PTPRR: variants seen among roughly 807,000 people sequenced by gnomAD.
PTPRR encodes receptor-type tyrosine-protein phosphatase R.
In PTPRR, 38 loss-of-function variants were observed where a neutral mutation model predicts 77.2. That is an observed-to-expected ratio of 0.49 (90% CI 0.38 to 0.65). The LOEUF is 0.65. Ranked by LOEUF, PTPRR falls within the 30% of genes least tolerant of loss-of-function variation. PTPRR has a pLI of 0.00. For missense variants in PTPRR, 744 were observed against 799.2 expected, an observed-to-expected ratio of 0.93 and a Z score of 0.83; for synonymous variants, 299 against 283.1, an observed-to-expected ratio of 1.06 and a Z score of -0.57.
intron 6 of PTPRR, among the ~76,000 whole-genome samples, chr12:70,717,734 A>G (rs1003748297): frequency 1.2e-4 from 18 of 152,278 alleles, no homozygotes; most frequent in African/African-American, 4.3e-4. Flanking sequence ...CCTAATTTTA[A>G]TTTCTTCCAT....
At chr12:70,702,954 C>T (rs1888484378) in intron 6 of PTPRR, among the ~76,000 whole-genome samples, 1 of 151,784 alleles carries the variant, frequency 6.6e-6, no homozygotes, top group Non-Finnish European at 1.5e-5. Flanking sequence ...TCTATCTGCA[C>T]ATATATACAT....
chr12:70,805,373 G>A (rs1461349492), intron 2 of PTPRR, among the ~76,000 whole-genome samples: 1 of 151,936 alleles, frequency 6.6e-6, no homozygotes, highest in Non-Finnish European at 1.5e-5. Context: ...ATCTCATTCT[G>A]TGGCCCAGGC....
chr12:70,729,668 C>T (rs12813125), intron 6 of PTPRR, among the ~76,000 whole-genome samples: 10,430 of 152,026 alleles, frequency 0.069, 496 homozygotes, highest in South Asian at 0.12. Context: ...GAATGAAGGA[C>T]GAAATTAAGC....
At chr12:70,787,924 G>T (rs1033352847) in intron 2 of PTPRR, among the ~76,000 whole-genome samples, 4 of 152,150 alleles carry the variant, frequency 2.6e-5, no homozygotes, top group African/African-American at 9.7e-5. Context: ...CTATGACTTT[G>T]TACCAACACT....
chr12:70,639,374 A>T, intron 13 of PTPRR, 97 bp from the exon 14 acceptor site: 1 of 1,453,222 alleles, frequency 6.9e-7, no homozygotes, highest in Non-Finnish European at 9.3e-7. Context: ...TATGCCAAAG[A>T]CACATAGAAC....
At chr12:70,684,826 C>G in intron 8 of PTPRR, 43 bp from the exon 9 acceptor site, 1 of 1,408,458 alleles carries the variant, frequency 7.1e-7, no homozygotes, top group Non-Finnish European at 9.8e-7. Flanking sequence ...CAGATTTACC[C>G]TTTTTAAAGT....
chr12:70,767,990 G>A (rs1225394064), intron 2 of PTPRR, among the ~76,000 whole-genome samples: 1 of 151,954 alleles, frequency 6.6e-6, no homozygotes, highest in African/African-American at 2.4e-5. Context: ...CAACATACCA[G>A]AATCTCTGGG....
At chr12:70,672,823 A>C in intron 10 of PTPRR, 4 of 1,563,886 alleles carry the variant, frequency 2.6e-6, no homozygotes, top group Non-Finnish European at 3.5e-6. Flanking sequence ...CCAGTGTGAA[A>C]TTGAAGAACT....
chr12:70,894,753 A>T (rs1046265584), intron 1 of PTPRR, among the ~76,000 whole-genome samples: 1 of 151,736 alleles, frequency 6.6e-6, no homozygotes, highest in Non-Finnish European at 1.5e-5. Context: ...ATATGTTCTT[A>T]ATGAGAGTTT....
At chr12:70,907,358 C>G (rs912363216) in intron 1 of PTPRR, among the ~76,000 whole-genome samples, 2 of 152,118 alleles carry the variant, frequency 1.3e-5, no homozygotes, top group Non-Finnish European at 2.9e-5. Flanking sequence ...CCAAAATATT[C>G]TATTAGGAAA....
At chr12:70,898,389 G>T (rs1437696965) in intron 1 of PTPRR, among the ~76,000 whole-genome samples, 1 of 149,926 alleles carries the variant, frequency 6.7e-6, no homozygotes, top group Non-Finnish European at 1.5e-5. Context: ...TATTTTAGTT[G>T]TTCTCTTATT....
intron 8 of PTPRR, among the ~76,000 whole-genome samples, chr12:70,688,828 T>C (rs1316250284): frequency 2.6e-5 from 4 of 152,210 alleles, no homozygotes; most frequent in Admixed American, 1.3e-4. Context: ...AAGTATGGTC[T>C]ATATACATAA....
intron 2 of PTPRR, among the ~76,000 whole-genome samples, chr12:70,817,913 C>T (rs1233127540): frequency 6.6e-6 from 1 of 152,104 alleles, no homozygotes; most frequent in Non-Finnish European, 1.5e-5. Context: ...CTACCACATA[C>T]TAGAAAGTCA....
chr12:70,685,964 A>T (rs1262798803), intron 8 of PTPRR, among the ~76,000 whole-genome samples: 1 of 152,240 alleles, frequency 6.6e-6, no homozygotes, highest in Non-Finnish European at 1.5e-5. Flanking sequence ...ACACTAGGGT[A>T]CCATTAGCCA....
intron 6 of PTPRR, among the ~76,000 whole-genome samples, chr12:70,740,340 G>A (rs558548775): frequency 4.9e-4 from 73 of 150,416 alleles, no homozygotes; most frequent in African/African-American, 1.7e-3. Flanking sequence ...GTTTGAAAAA[G>A]GGAGAAAAGA....
At chr12:70,674,607 G>A (rs1887374326) in intron 10 of PTPRR, among the ~76,000 whole-genome samples, 1 of 152,012 alleles carries the variant, frequency 6.6e-6, no homozygotes, top group South Asian at 2.1e-4. Flanking sequence ...AAGCATATAT[G>A]TACAGTTATT....
chr12:70,846,860 T>G (rs767196938), intron 2 of PTPRR, among the ~76,000 whole-genome samples: 1 of 152,162 alleles, frequency 6.6e-6, no homozygotes, highest in Admixed American at 6.6e-5. Flanking sequence ...TGGACTCAGA[T>G]AGGCATCTGT....
At chr12:70,914,444 G>A (rs1162724580) in intron 1 of PTPRR, among the ~76,000 whole-genome samples, 1 of 152,128 alleles carries the variant, frequency 6.6e-6, no homozygotes, top group African/African-American at 2.4e-5. Context: ...TGAGAAATAA[G>A]GATCTGTCTC....
At chr12:70,788,980 T>G in intron 2 of PTPRR, 1 of 1,064,132 alleles carries the variant, frequency 9.4e-7, no homozygotes, top group Non-Finnish European at 1.3e-6. Flanking sequence ...CCTGGTACTG[T>G]TTCTAGAGAC....
Sources: allele counts gnomAD v4.1 joint callset (sites outside exome capture counted in the v4.1 genomes callset), GRCh38; gene constraint gnomAD v4.1.1; transcripts MANE v1.5; gene names NCBI Gene and HGNC (gene_info 2026-07-23, HGNC 2026-07-21).